The following RUNX1T1 variants were observed in gnomAD, a reference collection of about 807,000 sequenced individuals.
RUNX1T1 encodes RUNX1 partner transcriptional co-repressor 1.
In RUNX1T1, 4 loss-of-function variants were observed where a neutral mutation model predicts 62.8. The ratio of observed to expected loss-of-function variants is 0.06; its 90% CI spans 0.03 to 0.15. RUNX1T1 has a LOEUF of 0.15. RUNX1T1 is among the 10% of genes least tolerant of loss of function. RUNX1T1 has a pLI of 1.00. For missense variants in RUNX1T1, 508 were observed against 754.3 expected, an observed-to-expected ratio of 0.67 and a Z score of 3.82; for synonymous variants, 291 against 286.0, an observed-to-expected ratio of 1.02 and a Z score of -0.18.
intron 1 of RUNX1T1, among the ~76,000 whole-genome samples, chr8:92,022,900 A>C (rs1824396975): frequency 6.6e-6 from 1 of 152,240 alleles, no homozygotes; most frequent in African/African-American, 2.4e-5. Flanking sequence ...TCCATGTTGC[A>C]GACACTGTTG....
At chr8:92,101,275 G>A (rs1440411367), upstream of RUNX1T1, among the ~76,000 whole-genome samples, 1 of 152,116 alleles carries the variant, frequency 6.6e-6, no homozygotes, top group Non-Finnish European at 1.5e-5. Flanking sequence ...CAGCAGCTGC[G>A]GACAGCCATT....
intron 1 of RUNX1T1, among the ~76,000 whole-genome samples, chr8:92,054,237 G>A (rs1830667577): frequency 6.6e-6 from 1 of 152,080 alleles, no homozygotes; most frequent in South Asian, 2.1e-4. Flanking sequence ...AAATAACTGG[G>A]ATGTGTAAAA....
chr8:91,962,830 C>CCTA (rs1810792813), intron 10 of RUNX1T1, among the ~76,000 whole-genome samples: 1 of 152,206 alleles, frequency 6.6e-6, no homozygotes, highest in Non-Finnish European at 1.5e-5. Flanking sequence ...TAATCTGAGT[C>CCTA]AAGTGGCTTC....
chr8:92,016,304 A>G (rs572517488), intron 2 of RUNX1T1, among the ~76,000 whole-genome samples: 2 of 152,304 alleles, frequency 1.3e-5, no homozygotes, highest in East Asian at 3.9e-4. Flanking sequence ...TGAAAGCAAT[A>G]CACTCTATTG....
chr8:91,999,775 T>C (rs1009332948), intron 5 of RUNX1T1, among the ~76,000 whole-genome samples: 5 of 152,116 alleles, frequency 3.3e-5, no homozygotes, highest in African/African-American at 9.7e-5. Flanking sequence ...ATTGGGAAGC[T>C]TTCATTCAAA....
chr8:92,033,070 A>T (rs999279678), intron 1 of RUNX1T1, among the ~76,000 whole-genome samples: 3 of 152,184 alleles, frequency 2.0e-5, no homozygotes, highest in Non-Finnish European at 2.9e-5. Flanking sequence ...TAGGCAATAC[A>T]TATCATCAAT....
At chr8:92,015,555 T>G (rs189883672) in intron 2 of RUNX1T1, among the ~76,000 whole-genome samples, 1 of 152,284 alleles carries the variant, frequency 6.6e-6, no homozygotes, top group East Asian at 1.9e-4. Context: ...CGATAATCCC[T>G]GTCACTCTGT....
At chr8:92,003,048 T>C (rs1798999342) in intron 5 of RUNX1T1, among the ~76,000 whole-genome samples, 1 of 152,152 alleles carries the variant, frequency 6.6e-6, no homozygotes, top group South Asian at 2.1e-4. Flanking sequence ...TGAGATATAA[T>C]GTATATTTCA....
intron 9 of RUNX1T1, among the ~76,000 whole-genome samples, chr8:91,975,156 T>C (rs145135757): frequency 5.9e-5 from 9 of 152,296 alleles, no homozygotes; most frequent in African/African-American, 1.9e-4. Flanking sequence ...ATCTCCTGAG[T>C]TGGTTTTCAT....
At chr8:92,022,083 T>C (rs1824216428) in intron 1 of RUNX1T1, among the ~76,000 whole-genome samples, 1 of 151,880 alleles carries the variant, frequency 6.6e-6, no homozygotes, top group Admixed American at 6.6e-5. Flanking sequence ...CACCCAAACA[T>C]TCCAACCAAT....
chr8:92,004,648 T>C (rs1381504089), intron 5 of RUNX1T1: 2 of 152,876 alleles, frequency 1.3e-5, no homozygotes, highest in Admixed American at 1.3e-4. Flanking sequence ...TCTTAGTTCA[T>C]ATACAAACCA....
chr8:92,000,229 C>T (rs779685051), intron 5 of RUNX1T1, among the ~76,000 whole-genome samples: 1 of 151,974 alleles, frequency 6.6e-6, no homozygotes, highest in Non-Finnish European at 1.5e-5. Flanking sequence ...TTGCTTGAAC[C>T]CAGGAGGTGG....
At chr8:91,977,347 G>C (rs527689245) in intron 8 of RUNX1T1, 11 of 193,444 alleles carry the variant, frequency 5.7e-5, no homozygotes, top group African/African-American at 2.3e-4. Flanking sequence ...TTAATAATAG[G>C]ATGGACTGGA....
rs551509842 is a variant in RUNX1T1 at position 92,012,186 on chromosome 8, T to C, written c.388-1095A>G. On this transcript the variant is annotated intron_variant, in intron 3 of 10. Transcript: ENST00000396218. ...AACAATAACTTCCTATGTGTAACAA[T>C]AAATGTCAAGGAGCCAATTTTTTAA... Among the ~76,000 whole-genome samples the C allele has an allele frequency of 2.6e-5, 4 of 152,306 alleles. No individual in the cohort carries two copies. In the South Asian group the frequency reaches 8.3e-4, roughly 32 times the overall value.
intron 1 of RUNX1T1, among the ~76,000 whole-genome samples, chr8:92,036,322 A>G (rs1050456801): frequency 3.9e-5 from 6 of 152,242 alleles, no homozygotes; most frequent in Non-Finnish European, 5.9e-5. Flanking sequence ...AAATGTCTAA[A>G]TATACAGGAA....
chr8:92,062,704 G>T, exon 1 of RUNX1T1: 1 of 1,581,624 alleles, frequency 6.3e-7, no homozygotes, highest in South Asian at 1.1e-5. Flanking sequence ...TGCTGGGCGC[G>T]TGCGCCTGCC....
intron 5 of RUNX1T1, among the ~76,000 whole-genome samples, chr8:91,997,316 C>A (rs575961138): frequency 6.6e-6 from 1 of 151,874 alleles, no homozygotes; most frequent in Admixed American, 6.6e-5. Context: ...GAGGACAAAT[C>A]TACATGGCAG....
intron 1 of RUNX1T1, among the ~76,000 whole-genome samples, chr8:92,033,332 T>G (rs1043632081): frequency 1.3e-5 from 2 of 152,218 alleles, no homozygotes; most frequent in Non-Finnish European, 2.9e-5. Flanking sequence ...GCAGTATGTT[T>G]TACAAGATCC....
At chr8:91,998,104 G>T (rs1284210368) in intron 5 of RUNX1T1, among the ~76,000 whole-genome samples, 1 of 152,070 alleles carries the variant, frequency 6.6e-6, no homozygotes, top group Non-Finnish European at 1.5e-5. Context: ...TCAAGGGGGG[G>T]AAAATCACTC....
Sources: allele counts gnomAD v4.1 joint callset (sites outside exome capture counted in the v4.1 genomes callset), GRCh38; gene constraint gnomAD v4.1.1; transcripts MANE v1.5; gene names NCBI Gene and HGNC (gene_info 2026-07-23, HGNC 2026-07-21).